The following MAK variants were observed in gnomAD, a reference collection of about 807,000 sequenced individuals.
MAK encodes male germ cell associated kinase, also known as serine/threonine-protein kinase MAK.
Under a neutral mutation model 82.6 loss-of-function variants are expected in MAK, and 65 were observed. The ratio of observed to expected loss-of-function variants is 0.79; its 90% CI spans 0.64 to 0.97. The LOEUF is 0.97. Among genes scored for constraint, MAK ranks in the 50% least tolerant of loss-of-function variants. The probability of loss-of-function intolerance (pLI) is 0.00; values close to 1 mark genes in which losing one functional copy is unlikely to be tolerated. For missense variants in MAK, 703 were observed against 780.2 expected (o/e 0.90, Z 1.18); for synonymous variants, 250 against 274.2 (o/e 0.91, Z 0.87).
Position 10,764,335 on chromosome 6 carries a change from C to T in MAK, c.*117G>A, listed in dbSNP as rs1772196515. On this transcript the variant is annotated 3_prime_UTR_variant, in exon 15 of 15. Transcript: ENST00000354489. ...TGATTTTTGCCCTTCCAAGTACCCACTTTTGCATATTTCTTCCAGAACTCA... is the reference window on the plus strand; with the variant it reads ...TGATTTTTGCCCTTCCAAGTACCCATTTTTGCATATTTCTTCCAGAACTCA... 8.5e-7 allele frequency: 1 copy of T among 1,173,562 alleles called. No individual in the cohort carries two copies. Among genetic ancestry groups the T allele is most frequent in the Non-Finnish European group, 1.2e-6 (1 of 828,530 alleles). 72.7% of individuals were successfully genotyped at this position (1,173,562 alleles called of 1,614,324 possible).
intron 9 of MAK, among the ~76,000 whole-genome samples, chr6:10,792,486 A>ATAT (rs1176203594): frequency 9.2e-5 from 14 of 152,342 alleles, no homozygotes; most frequent in African/African-American, 3.4e-4. Flanking sequence ...AAGTCCCTGA[A>ATAT]TGTAATCCTA....
At chr6:10,824,792 G>A (rs544220332) in intron 2 of MAK, among the ~76,000 whole-genome samples, 6 of 152,156 alleles carry the variant, frequency 3.9e-5, no homozygotes, top group South Asian at 4.2e-4. Flanking sequence ...CGTACTTCCC[G>A]CTACTCCTTG....
chr6:10,809,878 T>A (rs1267516954), intron 5 of MAK, among the ~76,000 whole-genome samples: 1 of 151,586 alleles, frequency 6.6e-6, no homozygotes, highest in Non-Finnish European at 1.5e-5. Flanking sequence ...GGTAGGTGGA[T>A]CATGAGGTCA....
At chr6:10,829,190 C>A (rs1778595579) in intron 2 of MAK, 1 of 152,188 alleles carries the variant, frequency 6.6e-6, no homozygotes, top group Non-Finnish European at 1.5e-5. Context: ...ATAAATGTTT[C>A]TTCTTATTTT....
At chr6:10,804,203 C>T (rs1258996368) in intron 6 of MAK, among the ~76,000 whole-genome samples, 1 of 152,092 alleles carries the variant, frequency 6.6e-6, no homozygotes, top group Non-Finnish European at 1.5e-5. Context: ...AGTAGAAAAA[C>T]TATGTTACAA....
At chr6:10,809,109 G>A (rs1776724274) in intron 5 of MAK, among the ~76,000 whole-genome samples, 167 bp from the exon 6 acceptor site, 1 of 152,152 alleles carries the variant, frequency 6.6e-6, no homozygotes, top group Non-Finnish European at 1.5e-5. Flanking sequence ...ATGGGGCGTA[G>A]GGACCCTGCT....
chr6:10,836,151 C>T (rs776244427), intron 1 of MAK, among the ~76,000 whole-genome samples: 22 of 152,168 alleles, frequency 1.4e-4, no homozygotes, highest in Non-Finnish European at 2.8e-4. Flanking sequence ...GCAAGGAACA[C>T]GACCATTTCC....
chr6:10,782,722 T>C (rs1268287663), intron 11 of MAK, among the ~76,000 whole-genome samples: 1 of 151,870 alleles, frequency 6.6e-6, no homozygotes, highest in Non-Finnish European at 1.5e-5. Flanking sequence ...GGATTACAGA[T>C]GCCCACCACC....
At chr6:10,771,291 A>G (rs113301713) in intron 13 of MAK, among the ~76,000 whole-genome samples, 1 of 152,256 alleles carries the variant, frequency 6.6e-6, no homozygotes, top group African/African-American at 2.4e-5. Context: ...AGAGAGGTGG[A>G]TGGTAGGAGG....
chr6:10,838,208 G>C (rs148865050), intron 1 of MAK: 2 of 152,558 alleles, frequency 1.3e-5, no homozygotes, highest in Non-Finnish European at 1.5e-5. Context: ...TCCCACGCCA[G>C]GCCGGCCCCC....
chr6:10,773,994 T>C (rs1164612282), intron 12 of MAK, among the ~76,000 whole-genome samples: 2 of 152,094 alleles, frequency 1.3e-5, no homozygotes, highest in Non-Finnish European at 2.9e-5. Context: ...CCACTGCACC[T>C]GGCCAAAACT....
intron 5 of MAK, among the ~76,000 whole-genome samples, chr6:10,812,857 G>A (rs1777052923): frequency 6.6e-6 from 1 of 151,254 alleles, no homozygotes; most frequent in African/African-American, 2.4e-5. Context: ...TCTGCCTCCT[G>A]CGTTCAAGCG....
At chr6:10,794,992 CAAAAT>C (rs2127546456) in intron 9 of MAK, among the ~76,000 whole-genome samples, 1 of 136,132 alleles carries the variant, frequency 7.3e-6, no homozygotes, top group African/African-American at 2.8e-5. Context: ...AACTCTGTCT[CAAAAT>C]AATAATAATA....
Position 10,786,285 on chromosome 6 carries a change from A to G in MAK, c.1317-1713T>C, listed in dbSNP as rs565278463. On this transcript the variant is annotated intron_variant, in intron 10 of 14. Transcript: ENST00000354489. ...TTAAAAAATAAGACAACCATTAAATAAAAGGTATACATGTTAGTATTTGGT... is the reference window on the plus strand; with the variant it reads ...TTAAAAAATAAGACAACCATTAAATGAAAGGTATACATGTTAGTATTTGGT... Among the ~76,000 whole-genome samples, 4 of 152,332 alleles carry G rather than the reference A, an allele frequency of 2.6e-5. No individual in the cohort carries two copies. The East Asian group carries it at 7.7e-4, about 29-fold the overall frequency.
At chr6:10,770,265 G>A (rs1772882267) in intron 13 of MAK, 35 bp from the exon 14 acceptor site, 2 of 1,612,178 alleles carry the variant, frequency 1.2e-6, no homozygotes, top group Non-Finnish European at 8.5e-7. Context: ...CAGTCAGAAG[G>A]TGAATATTTT....
chr6:10,825,348 T>A (rs540411081), intron 2 of MAK, among the ~76,000 whole-genome samples: 1 of 152,264 alleles, frequency 6.6e-6, no homozygotes, highest in African/African-American at 2.4e-5. Flanking sequence ...ATCTTTCCCT[T>A]GGTTTCAGAT....
At chr6:10,796,397 T>C in intron 8 of MAK, 88 bp from the exon 9 acceptor site, 1 of 1,075,610 alleles carries the variant, frequency 9.3e-7, no homozygotes, top group Non-Finnish European at 1.4e-6. Flanking sequence ...GTGCGAGGCA[T>C]TTATCATTAG....
intron 2 of MAK, among the ~76,000 whole-genome samples, chr6:10,826,999 T>A (rs1228512558): frequency 5.9e-5 from 9 of 152,174 alleles, no homozygotes; most frequent in South Asian, 2.1e-4. Flanking sequence ...TAATCCCAGC[T>A]ACTCGGGAGG....
At position 10,796,048 on chromosome 6, in the gene MAK, C is replaced by T. The variant is rs201558986; in HGVS notation, c.1093G>A (p.Glu365Lys). 5.0e-6 allele frequency: 8 copies of T among 1,614,048 alleles called. No individual in the cohort carries two copies. The highest frequency in any genetic ancestry group is 6.8e-6 in the Non-Finnish European group (8 of 1,179,970). Residue 365 changes from glutamate to lysine, a missense_variant, in exon 9 of 15, where the codon GAG (glutamate) becomes AAG (lysine). Glu to Lys is a moderately conservative substitution (Grantham distance 56, BLOSUM62 1). Coordinates refer to ENST00000354489, the MANE Select transcript of MAK (RefSeq NM_001242957.3). ...GGGAATAGCGTTTGTGGCGGTTTCT[C>T]CTGACTCTGTTGCTTTGGAGGTTGC... The part of the protein sequence containing the change: ...VQQPPKQQSQ[E>K]KPPQTLFPSI...
Sources: allele counts gnomAD v4.1 joint callset (sites outside exome capture counted in the v4.1 genomes callset), GRCh38; gene constraint gnomAD v4.1.1; transcripts MANE v1.5; gene names NCBI Gene and HGNC (gene_info 2026-07-23, HGNC 2026-07-21).